The following GMEB2 variants were observed in gnomAD, a reference collection of about 807,000 sequenced individuals.
GMEB2 encodes glucocorticoid modulatory element-binding protein 2.
In GMEB2, 7 loss-of-function variants were observed where a neutral mutation model predicts 45.7. That is an observed-to-expected ratio of 0.15 (90% CI 0.09 to 0.29). The LOEUF (loss-of-function observed/expected upper bound fraction) is 0.29, where lower values mean the gene tolerates loss of function less well. Ranked by LOEUF, GMEB2 falls within the 10% of genes least tolerant of loss-of-function variation. GMEB2 has a pLI of 1.00. For missense variants in GMEB2, 582 were observed against 739.2 expected (o/e 0.79, Z 2.47); for synonymous variants, 322 against 323.6 (o/e 1.00, Z 0.05).
intron 9 of GMEB2, among the ~76,000 whole-genome samples, chr20:63,590,976 C>A (rs192599042): frequency 5.3e-5 from 8 of 152,126 alleles, no homozygotes; most frequent in African/African-American, 1.9e-4. Context: ...TGCACTGACC[C>A]GGGGCCTGTG....
At chr20:63,603,966 A>G (rs1187262866) in intron 3 of GMEB2, among the ~76,000 whole-genome samples, 1 of 151,772 alleles carries the variant, frequency 6.6e-6, no homozygotes, top group Non-Finnish European at 1.5e-5. Context: ...AGGCAGGAGA[A>G]GTGCTTGAAC....
In GMEB2 at chr20:63,592,058, C is replaced by A; in HGVS notation, c.916G>T (p.Asp306Tyr). 1 of 1,613,276 alleles carries A rather than the reference C, an allele frequency of 6.2e-7. No homozygotes were observed. Among genetic ancestry groups the A allele is most frequent in the Non-Finnish European group, 8.5e-7 (1 of 1,179,838 alleles). Residue 306 changes from aspartate (D) to tyrosine (Y), a missense_variant, in exon 9 of 10, where the codon GAC becomes TAC. This residue lies in a region of GMEB2 where 462 missense variants were observed against 586.7 expected (regional missense o/e 0.79). Transcript: ENST00000370077. This position sits in a 1 kb window ranked among gnomAD's most constrained non-coding sequence, Gnocchi z 8.2. ...KVLASHKCQM[D>Y]RSREQYARDL... is the part of the protein sequence containing the mutation. ...CGGGCGTACTGCTCCCGCGAGCGGT[C>A]CATCTGGCACTTGTGGCTGGCCAGC... is the stretch of plus-strand genomic sequence containing the variant.
chr20:63,612,112 A>G (rs1320174874), intron 2 of GMEB2, among the ~76,000 whole-genome samples: 2 of 152,360 alleles, frequency 1.3e-5, no homozygotes, highest in Admixed American at 1.3e-4. Flanking sequence ...AGACTCTGTC[A>G]AGGTAAAAAA....
intron 1 of GMEB2, 144 bp downstream of exon 1, chr20:63,626,812 C>T (rs2089678238): frequency 6.8e-6 from 1 of 147,038 alleles, no homozygotes; most frequent in African/African-American, 2.4e-5. Context: ...CGCCGCCGCC[C>T]GCGCGGCCGC....
chr20:63,589,427 C>A lies in GMEB2; in HGVS notation c.*662G>T, dbSNP rs77804193. 4 of 367,270 alleles carry A rather than the reference C, an allele frequency of 1.1e-5. No individual in the cohort carries two copies. In the South Asian group the frequency reaches 5.9e-4, roughly 54 times the overall value. The allele number at this position is 367,270 out of a possible 1,614,324, so 22.8% of individuals were successfully genotyped here. A position where few individuals can be genotyped will look rare whatever the true frequency, so the allele number is the denominator to read the frequency against. On this transcript the variant is annotated 3_prime_UTR_variant, in exon 10 of 10. Transcript: ENST00000370077. ...CATGTGCAACAATGCCTGGACCACG[C>A]CTCGTCTGTGCGGCCCCTGGGCCAC... is the stretch of plus-strand genomic sequence containing the variant.
chr20:63,595,257 C>T (rs1172960446), intron 6 of GMEB2, among the ~76,000 whole-genome samples: 2 of 129,592 alleles, frequency 1.5e-5, no homozygotes, highest in African/African-American at 5.7e-5. Context: ...GGAAGCGGGT[C>T]CAGATTTGGG....
intron 2 of GMEB2, among the ~76,000 whole-genome samples, chr20:63,610,036 C>A (rs990009375): frequency 6.6e-6 from 1 of 152,216 alleles, no homozygotes; most frequent in African/African-American, 2.4e-5. Context: ...ACATGGTGTT[C>A]CCACACTGGC....
At chr20:63,624,412 G>A (rs1760904873) in intron 1 of GMEB2, among the ~76,000 whole-genome samples, 1 of 148,694 alleles carries the variant, frequency 6.7e-6, no homozygotes, top group African/African-American at 2.5e-5. Flanking sequence ...CTAGACAACA[G>A]AGCGAGACTC....
chr20:63,626,824 C>A (rs1348381372), intron 1 of GMEB2, 132 bp downstream of exon 1: 13 of 146,994 alleles, frequency 8.8e-5, no homozygotes, highest in Admixed American at 7.5e-4. Context: ...CGCGGCCGCC[C>A]CTCCCCCGGC....
chr20:63,597,868 G>A lies in GMEB2; in HGVS notation c.358-8C>T, dbSNP rs1328999818. The A allele has an allele frequency of 6.6e-7, 1 of 1,517,192 alleles. No individual in the cohort carries two copies. Among genetic ancestry groups the A allele is most frequent in the Non-Finnish European group, 9.2e-7 (1 of 1,091,680 alleles). The allele number at this position is 1,517,192 out of a possible 1,614,324, so 94.0% of individuals were successfully genotyped here. ...GATTACATGCTCGTCGTACTGTGGG[G>A]GACACAGTCATGTGGGTCAAGCTTG... On this transcript the variant is annotated splice_polypyrimidine_tract_variant and splice_region_variant and intron_variant, in intron 4 of 9. Transcript: ENST00000370077.
intron 3 of GMEB2, among the ~76,000 whole-genome samples, chr20:63,603,813 G>A (rs565239168): frequency 3.9e-5 from 6 of 152,220 alleles, no homozygotes; most frequent in African/African-American, 1.2e-4. Flanking sequence ...AGCACTTTGG[G>A]AGGCCCAGGT....
chr20:63,605,394 G>A (rs931356853), intron 2 of GMEB2, among the ~76,000 whole-genome samples: 1 of 151,604 alleles, frequency 6.6e-6, no homozygotes, highest in Admixed American at 6.6e-5. Context: ...TTAGCTGGGT[G>A]TGGTGGCTCG....
In GMEB2 at chr20:63,597,867, G is replaced by A. The variant is rs1285948667; in HGVS notation, c.358-7C>T. Reference sequence around the variant, plus strand: ...TGATTACATGCTCGTCGTACTGTGGGGGACACAGTCATGTGGGTCAAGCTT... The same window carrying A: ...TGATTACATGCTCGTCGTACTGTGGAGGACACAGTCATGTGGGTCAAGCTT... On this transcript the variant is annotated splice_polypyrimidine_tract_variant and splice_region_variant and intron_variant, in intron 4 of 9. Transcript: ENST00000370077. 4 of 1,521,820 alleles carry A rather than the reference G, an allele frequency of 2.6e-6. No individual in the cohort carries two copies. The highest frequency in any genetic ancestry group is 3.6e-6 in the Non-Finnish European group (4 of 1,095,894). 94.3% of individuals were successfully genotyped at this position (1,521,820 alleles called of 1,614,324 possible).
rs2089568756 is a variant in GMEB2 at position 63,611,293 on chromosome 20, A to C, written c.132-6453T>G. Among the ~76,000 whole-genome samples the C allele has an allele frequency of 3.9e-5, 6 of 152,358 alleles. 1 individual carries two copies. In the South Asian group the frequency reaches 1.2e-3, roughly 32 times the overall value. On this transcript the variant is annotated intron_variant, in intron 2 of 9. Transcript: ENST00000370077. ...GCCATGAGGCAGAGGAAACCTTGGC[A>C]GGACCTTATGCCACAGCAATTTAAA...
rs540676750 is a variant in GMEB2, at chr20:63,608,658, T to A, written c.132-3818A>T. ...CTCCATTTCTAGAAACATGCCCCTG[T>A]GACCCCACCTCCATTTCTAGAAACA... On this transcript the variant is annotated intron_variant, in intron 2 of 9. Coordinates refer to ENST00000370077, the MANE Select transcript of GMEB2 (RefSeq NM_012384.5). Among the ~76,000 whole-genome samples, 101 of 56,984 alleles carry A rather than the reference T, an allele frequency of 1.8e-3. 7 individuals are homozygous for A. Among genetic ancestry groups the A allele is most frequent in the African/African-American group, 5.6e-3 (96 of 17,198 alleles). 37.4% of individuals were successfully genotyped at this position (56,984 alleles called of 152,430 possible).
chr20:63,626,640 G>A (rs1162379386), intron 1 of GMEB2, among the ~76,000 whole-genome samples: 1 of 151,762 alleles, frequency 6.6e-6, no homozygotes, highest in Non-Finnish European at 1.5e-5. Flanking sequence ...GGTCCCTGCG[G>A]GTCGCACCCC....
intron 9 of GMEB2, among the ~76,000 whole-genome samples, chr20:63,591,169 A>G (rs369674903): frequency 4.6e-5 from 7 of 152,148 alleles, no homozygotes; most frequent in Non-Finnish European, 8.8e-5. Context: ...GTTTAAACAT[A>G]AACATGCACA....
intron 2 of GMEB2, among the ~76,000 whole-genome samples, chr20:63,613,510 A>G (rs1203667217): frequency 7.0e-6 from 1 of 142,858 alleles, no homozygotes; most frequent in African/African-American, 2.6e-5. Context: ...TTACTACAAC[A>G]TTTTTGTTTT....
intron 6 of GMEB2, 105 bp downstream of exon 6, chr20:63,595,505 C>A: frequency 9.8e-7 from 1 of 1,019,392 alleles, no homozygotes; most frequent in Non-Finnish European, 1.4e-6. Context: ...GCAGTCCTGG[C>A]GTGAGCAAAC....
Sources: gnomAD v4.1 joint callset for allele counts (sites outside exome capture counted in the v4.1 genomes callset) on GRCh38, gnomAD v4.1.1 for gene constraint, gnomAD v4.1.1 regional missense constraint, Gnocchi (gnomAD v3.1) non-coding constraint, MANE v1.5 for transcripts, NCBI Gene and HGNC (gene_info 2026-07-23, HGNC 2026-07-21) for gene names.